The following GNAI3 variants were observed in gnomAD, a reference collection of about 807,000 sequenced individuals.
The protein encoded by GNAI3 is guanine nucleotide-binding protein G(i) subunit alpha-3.
Under a neutral mutation model 41.8 loss-of-function variants are expected in GNAI3, and 12 were observed. That is an observed-to-expected ratio of 0.29 (90% confidence interval 0.18 to 0.47). The LOEUF is 0.47. Among genes scored for constraint, GNAI3 ranks in the 20% least tolerant of loss-of-function variants. The pLI, the probability that GNAI3 is intolerant of heterozygous loss-of-function variation, is 1.00. For synonymous variants in GNAI3, 132 were observed against 146.5 expected (o/e 0.90, Z 0.71); for missense variants, 360 against 429.6 (o/e 0.84, Z 1.43).
rs41280246 is a variant in GNAI3, at chr1:109,593,694, A to G, written c.*1372A>G. 4.8e-3 allele frequency: 712 copies of G among 146,830 alleles called. 10 individuals are homozygous for G. The highest frequency in any genetic ancestry group is 7.6e-3 in the Non-Finnish European group (497 of 65,748). The allele number at this position is 146,830 out of a possible 1,614,324, so 9.1% of individuals were successfully genotyped here. A position where few individuals can be genotyped will look rare whatever the true frequency, so the allele number is the denominator to read the frequency against. ...CTTAGGTTTTATGTTATATCTGCATATGAGTGATATGTGATCATGATTCAT... is the reference window on the plus strand; with the variant it reads ...CTTAGGTTTTATGTTATATCTGCATGTGAGTGATATGTGATCATGATTCAT... On this transcript the variant is annotated 3_prime_UTR_variant, in exon 9 of 9. Coordinates refer to ENST00000369851, the MANE Select transcript of GNAI3 (RefSeq NM_006496.4).
At chr1:109,571,184 G>C (rs539874604) in intron 1 of GNAI3, among the ~76,000 whole-genome samples, 3,099 of 152,280 alleles carry the variant, frequency 0.02, 52 homozygotes, top group Middle Eastern at 0.054. Context: ...GAGGAGCAGG[G>C]TTTGTTTTGA....
At position 109,555,586 on chromosome 1, in the gene GNAI3, C is replaced by T. The variant is rs190612391; in HGVS notation, c.118+6748C>T. On this transcript the variant is annotated intron_variant, in intron 1 of 8. Coordinates refer to ENST00000369851, the MANE Select transcript of GNAI3 (RefSeq NM_006496.4). ...GCTATTCCTGTAGTACACTGATGGC[C>T]ATAGAGTAGGGTGCTTAATACTAGA... Among the ~76,000 whole-genome samples the T allele has an allele frequency of 5.9e-5, 9 of 152,124 alleles. No individual in the cohort carries two copies. In the East Asian group the frequency reaches 1.5e-3, roughly 26 times the overall value.
At chr1:109,563,870 A>T (rs531461567) in intron 1 of GNAI3, among the ~76,000 whole-genome samples, 145 of 24,976 alleles carry the variant, frequency 5.8e-3, no homozygotes, top group Non-Finnish European at 7.5e-3. Flanking sequence ...ATAAATGGTA[A>T]TGTTTAATTT....
At position 109,597,548 on chromosome 1, in the gene GNAI3, A is replaced by AT. The variant is rs1222732399; in HGVS notation, c.*5232dup. 2.0e-5 allele frequency: 3 copies of AT among 151,918 alleles called. No homozygotes were observed. The highest frequency in any genetic ancestry group is 4.4e-5 in the Non-Finnish European group (3 of 67,990). 9.4% of individuals were successfully genotyped at this position (151,918 alleles called of 1,614,324 possible). ...GCTCAAAATCACTAGTGAGTGATCT[A>AT]TTTTTTGCCAATAAGAAGTACCATT... On this transcript the variant is annotated 3_prime_UTR_variant, in exon 9 of 9. Transcript: ENST00000369851.
chr1:109,589,666 A>G (rs1223667931), intron 7 of GNAI3, among the ~76,000 whole-genome samples: 1 of 152,240 alleles, frequency 6.6e-6, no homozygotes, highest in African/African-American at 2.4e-5. Flanking sequence ...CTTACCCAAG[A>G]AAAGGAATAA....
At chr1:109,549,637 T>C (rs1461196256) in intron 1 of GNAI3, among the ~76,000 whole-genome samples, 3 of 152,212 alleles carry the variant, frequency 2.0e-5, no homozygotes, top group East Asian at 3.8e-4. Context: ...CATTGGAGGA[T>C]GCTGAATAGT....
rs547840504 is a variant in GNAI3 at position 109,548,644 on chromosome 1, C to A, written c.-77C>A. On this transcript the variant is annotated 5_prime_UTR_variant, in exon 1 of 9. Transcript: ENST00000369851. ...GAGAGGGCCACCGCCCAGCAATAGA[C>A]GGTGCCTCAGCCTGCCGAGCCGCAG... is the stretch of plus-strand genomic sequence containing the variant. 4 of 968,250 alleles carry A rather than the reference C, an allele frequency of 4.1e-6. No individual in the cohort carries two copies. The highest frequency in any genetic ancestry group is 6.6e-6 in the Non-Finnish European group (4 of 610,204). The allele number at this position is 968,250 out of a possible 1,614,324, so 60.0% of individuals were successfully genotyped here. A position where few individuals can be genotyped will look rare whatever the true frequency, so the allele number is the denominator to read the frequency against.
chr1:109,558,382 G>A (rs1259345212), intron 1 of GNAI3, among the ~76,000 whole-genome samples: 1 of 152,088 alleles, frequency 6.6e-6, no homozygotes, highest in African/African-American at 2.4e-5. Flanking sequence ...GAGGTGGAAT[G>A]ACTGCACTCT....
chr1:109,575,514 A>G (rs1197895582), intron 3 of GNAI3, among the ~76,000 whole-genome samples: 1 of 68,988 alleles, frequency 1.4e-5, no homozygotes, highest in Admixed American at 1.4e-4. Flanking sequence ...TCCTTTATTT[A>G]TCTCCCTACC....
intron 1 of GNAI3, among the ~76,000 whole-genome samples, chr1:109,567,006 C>A (rs1266688412): frequency 1.3e-5 from 2 of 152,198 alleles, no homozygotes; most frequent in African/African-American, 4.8e-5. Flanking sequence ...TAGATACTCA[C>A]AATTCTTTTT....
intron 7 of GNAI3, among the ~76,000 whole-genome samples, chr1:109,589,435 C>T (rs1649114902): frequency 6.6e-6 from 1 of 152,042 alleles, no homozygotes; most frequent in South Asian, 2.1e-4. Context: ...AGAAAGAAGA[C>T]AAGTGTAGAC....
intron 1 of GNAI3, among the ~76,000 whole-genome samples, chr1:109,561,688 AT>A (rs566127589): frequency 6.2e-4 from 95 of 152,350 alleles, no homozygotes; most frequent in Non-Finnish European, 1.3e-3. Flanking sequence ...TGGTAATAAA[AT>A]GTGATTACAG....
At position 109,595,371 on chromosome 1, in the gene GNAI3, T is replaced by G. The variant is rs1161872759; in HGVS notation, c.*3049T>G. The G allele has an allele frequency of 6.6e-6, 1 of 152,252 alleles. No homozygotes were observed. The highest frequency in any genetic ancestry group is 1.5e-5 in the Non-Finnish European group (1 of 68,038). The allele number at this position is 152,252 out of a possible 1,614,324, so 9.4% of individuals were successfully genotyped here. A position where few individuals can be genotyped will look rare whatever the true frequency, so the allele number is the denominator to read the frequency against. ...TTTTCATCTTGGACAGTTTGAATTCTAAATCTCTAGTTCACAGTGAATCGT... is the reference window on the plus strand; with the variant it reads ...TTTTCATCTTGGACAGTTTGAATTCGAAATCTCTAGTTCACAGTGAATCGT... On this transcript the variant is annotated 3_prime_UTR_variant, in exon 9 of 9. Coordinates refer to ENST00000369851, the MANE Select transcript of GNAI3 (RefSeq NM_006496.4).
In GNAI3 at chr1:109,566,111, G is replaced by A. The variant is rs572088317; in HGVS notation, c.119-7626G>A. Among the ~76,000 whole-genome samples the A allele has an allele frequency of 9.1e-4, 139 of 152,308 alleles. 1 individual carries two copies. The highest frequency in any genetic ancestry group is 3.0e-3 in the African/African-American group (125 of 41,572). On this transcript the variant is annotated intron_variant, in intron 1 of 8. Transcript: ENST00000369851. ...AACCTCTTGAACTGATGGTCAAAGGGAATAATCTGTGCCAGCCACCAGGGT... is the reference window on the plus strand; with the variant it reads ...AACCTCTTGAACTGATGGTCAAAGGAAATAATCTGTGCCAGCCACCAGGGT...
chr1:109,560,721 A>C (rs903566315), intron 1 of GNAI3, among the ~76,000 whole-genome samples: 1 of 152,232 alleles, frequency 6.6e-6, no homozygotes, highest in Non-Finnish European at 1.5e-5. Flanking sequence ...AGGCTAATTT[A>C]AATTTTTGGT....
chr1:109,567,423 T>C (rs1179520791), intron 1 of GNAI3, among the ~76,000 whole-genome samples: 2 of 152,102 alleles, frequency 1.3e-5, no homozygotes, highest in Non-Finnish European at 2.9e-5. Context: ...GCTATAGAGG[T>C]ATAAATGGTT....
Position 109,595,602 on chromosome 1 carries a change from T to A in GNAI3, c.*3280T>A, listed in dbSNP as rs1295804339. The A allele has an allele frequency of 6.6e-6, 1 of 152,222 alleles. No individual in the cohort carries two copies. Among genetic ancestry groups the A allele is most frequent in the African/African-American group, 2.4e-5 (1 of 41,452 alleles). 9.4% of individuals were successfully genotyped at this position (152,222 alleles called of 1,614,324 possible). A position where few individuals can be genotyped will look rare whatever the true frequency, so the allele number is the denominator to read the frequency against. On this transcript the variant is annotated 3_prime_UTR_variant, in exon 9 of 9. Coordinates refer to ENST00000369851, the MANE Select transcript of GNAI3 (RefSeq NM_006496.4). ...TTCATTCATTCACCCTATATTCTTA[T>A]ATTCTGCTCATTATTCTCTCATTTA...
rs547990614 is a variant in GNAI3, at chr1:109,595,494, C to T, written c.*3172C>T. ...CCAAAATTTTAAAAAAAACTTCTTG[C>T]CTTGTTTTTTTAATTTTCATATATA... On this transcript the variant is annotated 3_prime_UTR_variant, in exon 9 of 9. Coordinates refer to ENST00000369851, the MANE Select transcript of GNAI3 (RefSeq NM_006496.4). 1 of 151,822 alleles carries T rather than the reference C, an allele frequency of 6.6e-6. No individual in the cohort carries two copies. Among genetic ancestry groups the T allele is most frequent in the Non-Finnish European group, 1.5e-5 (1 of 67,944 alleles). 9.4% of individuals were successfully genotyped at this position (151,822 alleles called of 1,614,324 possible).
At chr1:109,566,702 C>T (rs1304480123) in intron 1 of GNAI3, among the ~76,000 whole-genome samples, 1 of 152,126 alleles carries the variant, frequency 6.6e-6, no homozygotes, top group Non-Finnish European at 1.5e-5. Flanking sequence ...GCTGGGATTA[C>T]AGGTGCCCGC....
Sources: allele counts gnomAD v4.1 joint callset (sites outside exome capture counted in the v4.1 genomes callset), GRCh38; gene constraint gnomAD v4.1.1; transcripts MANE v1.5; gene names NCBI Gene and HGNC (gene_info 2026-07-23, HGNC 2026-07-21).